The following SLFN12L variants were observed in gnomAD, a reference collection of about 807,000 sequenced individuals.
The protein encoded by SLFN12L is schlafen family member 12 like.
A neutral mutation model predicts 34.8 loss-of-function variants in SLFN12L; 34 were observed. The observed-to-expected ratio is 0.98, with a 90% CI of 0.74 to 1.30. The LOEUF is 1.30. Ranked by LOEUF, SLFN12L falls within the 50% of genes most tolerant of loss-of-function variation. The pLI is 0.00. For missense variants in SLFN12L, 703 were observed against 696.2 expected, an observed-to-expected ratio of 1.01 and a Z score of -0.11; for synonymous variants, 259 against 247.5, an observed-to-expected ratio of 1.05 and a Z score of -0.44.
intron 1 of SLFN12L, among the ~76,000 whole-genome samples, chr17:35,532,744 T>C (rs1482639287): frequency 6.6e-6 from 1 of 151,894 alleles, no homozygotes; most frequent in East Asian, 1.9e-4. Context: ...AATACAAAAA[T>C]TAGCCAGGCA....
intron 2 of SLFN12L, among the ~76,000 whole-genome samples, chr17:35,483,238 A>G (rs1375734523): frequency 6.6e-6 from 1 of 152,138 alleles, no homozygotes; most frequent in Non-Finnish European, 1.5e-5. Flanking sequence ...TGACCTGCCT[A>G]CAGAGAGGAG....
intron 2 of SLFN12L, among the ~76,000 whole-genome samples, chr17:35,515,554 C>A (rs1217623358): frequency 1.3e-5 from 2 of 151,816 alleles, no homozygotes; most frequent in South Asian, 4.2e-4. Context: ...CTGCCACCTG[C>A]GCCTCCCAGA....
At chr17:35,498,447 C>A in intron 2 of SLFN12L, 1 of 1,310,056 alleles carries the variant, frequency 7.6e-7, no homozygotes, top group Non-Finnish European at 1.1e-6. Context: ...TGGACGACTG[C>A]GGAATTTTCT....
In SLFN12L at chr17:35,464,778, A is replaced by G. The variant is rs977966389; in HGVS notation, c.*10145T>C. 2 of 152,200 alleles carry G rather than the reference A, an allele frequency of 1.3e-5. No homozygotes were observed. The highest frequency in any genetic ancestry group is 2.4e-5 in the African/African-American group (1 of 41,424). 9.4% of individuals were successfully genotyped at this position (152,200 alleles called of 1,614,324 possible). On this transcript the variant is annotated 3_prime_UTR_variant, in exon 5 of 5. Coordinates refer to ENST00000628453, the MANE Select transcript of SLFN12L (RefSeq NM_001363830.2). ...AAACAAACATCCATAATTTCACCCA[A>G]TTGGAAATCGAAAATTTGTATACCA...
rs985824472 is a variant in SLFN12L, at chr17:35,490,198, C to T, written c.87-10003G>A. ...TGCAGCCACCAGCGCTGGGACGAGG[C>T]GGCAGTGGCCCTCTGGCAAAGTGAA... On this transcript the variant is annotated intron_variant, in intron 2 of 4. Transcript: ENST00000628453. 1.1e-5 allele frequency: 17 copies of T among 1,595,382 alleles called. No individual in the cohort carries two copies. The African/African-American group carries it at 1.7e-4, about 16-fold the overall frequency.
chr17:35,515,238 G>A, intron 2 of SLFN12L: 2 of 495,988 alleles, frequency 4.0e-6, no homozygotes, highest in Non-Finnish European at 3.8e-6. Context: ...GAAAGGAGCG[G>A]TTGCCCACAA....
intron 1 of SLFN12L, among the ~76,000 whole-genome samples, chr17:35,532,285 C>T (rs1190857408): frequency 1.3e-5 from 2 of 151,434 alleles, no homozygotes; most frequent in East Asian, 4.0e-4. Context: ...ACTAAAAATA[C>T]AAAAATTAGC....
chr17:35,496,779 G>A (rs1915099347), intron 2 of SLFN12L, among the ~76,000 whole-genome samples: 2 of 152,094 alleles, frequency 1.3e-5, no homozygotes, highest in African/African-American at 4.8e-5. Context: ...TTCTCTTTGC[G>A]CCTCCCCAGA....
At chr17:35,487,384 A>C (rs1914623917) in intron 2 of SLFN12L, among the ~76,000 whole-genome samples, 1 of 152,250 alleles carries the variant, frequency 6.6e-6, no homozygotes, top group African/African-American at 2.4e-5. Context: ...CAACTTTCCC[A>C]GAAGGGAGAG....
At chr17:35,514,400 C>T (rs1567680567) in intron 2 of SLFN12L, among the ~76,000 whole-genome samples, 1 of 152,208 alleles carries the variant, frequency 6.6e-6, no homozygotes, top group Non-Finnish European at 1.5e-5. Flanking sequence ...ATGCACTAGC[C>T]GTAAAAATGT....
intron 1 of SLFN12L, among the ~76,000 whole-genome samples, chr17:35,529,700 GGGGGGCTA>G (rs1164900211): frequency 7.9e-5 from 12 of 151,942 alleles, no homozygotes; most frequent in African/African-American, 2.7e-4. Context: ...ATCTGGGGGT[GGGGGGCTA>G]GGGGAGGGAC....
chr17:35,530,131 T>C (rs2142176308), intron 1 of SLFN12L, among the ~76,000 whole-genome samples: 1 of 146,972 alleles, frequency 6.8e-6, no homozygotes, highest in East Asian at 2.0e-4. Context: ...TTTTTTTTTT[T>C]TTTTTTGAGA....
intron 2 of SLFN12L, among the ~76,000 whole-genome samples, chr17:35,513,625 A>C (rs1299891419): frequency 2.6e-5 from 4 of 152,186 alleles, no homozygotes; most frequent in Non-Finnish European, 5.9e-5. Context: ...ATAATATGTC[A>C]CTATTTGAGA....
rs780951993 is a variant in SLFN12L, at chr17:35,475,136, G to A, written c.1626C>T (p.Tyr542=). The A allele has an allele frequency of 6.2e-7, 1 of 1,614,204 alleles. No homozygotes were observed. The highest frequency in any genetic ancestry group is 8.5e-7 in the Non-Finnish European group (1 of 1,180,032). ...KKVCVMTKIF[Y]LSPEGKTSCQ... ...AGCTTGTCTTGCCTTCAGGGCTCAA[G>A]TAGAAGATCTTTGTCATGACACACA... Residue 542 remains tyrosine (Y), a synonymous_variant, in exon 5 of 5, where the codon TAC becomes TAT. Transcript: ENST00000628453.
At position 35,530,435 on chromosome 17, in the gene SLFN12L, G is replaced by GAAAGAAA. The variant is rs1240405993; in HGVS notation, c.-606+7137_-606+7138insTTTCTTT. ...GAAGGAAGGAAGGAAGGAAGGGAAGGGAAGGGAAGAAAGAAAGAAAGAAAG... is the reference window on the plus strand; with the variant it reads ...GAAGGAAGGAAGGAAGGAAGGGAAGGAAAGAAAGAAGGGAAGAAAGAAAGAAAGAAAG... On this transcript the variant is annotated intron_variant, in intron 1 of 4. Coordinates refer to ENST00000628453, the MANE Select transcript of SLFN12L (RefSeq NM_001363830.2). Among the ~76,000 whole-genome samples the GAAAGAAA allele has an allele frequency of 1.1e-3, 13 of 11,412 alleles. 2 individuals are homozygous for GAAAGAAA. The highest frequency in any genetic ancestry group is 7.9e-3 in the East Asian group (3 of 380). 7.5% of individuals were successfully genotyped at this position (11,412 alleles called of 152,430 possible).
At position 35,469,335 on chromosome 17, in the gene SLFN12L, TATAA is replaced by T. The variant is rs34766557; in HGVS notation, c.*5584_*5587del. Among the ~76,000 whole-genome samples, 18,323 of 139,600 alleles carry T rather than the reference TATAA, an allele frequency of 0.13. 1,285 individuals carry two copies. The highest frequency in any genetic ancestry group is 0.27 in the South Asian group (1,117 of 4,172). 91.6% of individuals were successfully genotyped at this position (139,600 alleles called of 152,430 possible). On this transcript the variant is annotated 3_prime_UTR_variant, in exon 5 of 5. Transcript: ENST00000628453. ...TATATATTATATATATAAATATATA[TATAA>T]TATATATATATATGTATTTCAAACT...
chr17:35,487,442 GC>G (rs1421693605), intron 2 of SLFN12L, among the ~76,000 whole-genome samples: 1 of 151,984 alleles, frequency 6.6e-6, no homozygotes, highest in East Asian at 1.9e-4. Flanking sequence ...CTCTGGCAGC[GC>G]CCCACCTCGT....
At chr17:35,486,592 T>TTAAA (rs993598223) in intron 2 of SLFN12L, among the ~76,000 whole-genome samples, 43 of 152,136 alleles carry the variant, frequency 2.8e-4, no homozygotes, top group African/African-American at 4.8e-4. Flanking sequence ...AATGCTAAAA[T>TTAAA]TAAATAAATA....
rs1913780075 is a variant in SLFN12L, at chr17:35,469,979, G to A, written c.*4944C>T. 1 of 152,054 alleles carries A rather than the reference G, an allele frequency of 6.6e-6. No individual in the cohort carries two copies. 9.4% of individuals were successfully genotyped at this position (152,054 alleles called of 1,614,324 possible). A position where few individuals can be genotyped will look rare whatever the true frequency, so the allele number is the denominator to read the frequency against. Reference sequence around the variant, plus strand: ...TCTGCTCCTCTTTCCTTAACCAACTGGATGCTTTACCACATGACCCTGCAT... The same window carrying A: ...TCTGCTCCTCTTTCCTTAACCAACTAGATGCTTTACCACATGACCCTGCAT... On this transcript the variant is annotated 3_prime_UTR_variant, in exon 5 of 5. Coordinates refer to ENST00000628453, the MANE Select transcript of SLFN12L (RefSeq NM_001363830.2).
Sources: allele counts gnomAD v4.1 joint callset (sites outside exome capture counted in the v4.1 genomes callset), GRCh38; gene constraint gnomAD v4.1.1; transcripts MANE v1.5; gene names NCBI Gene and HGNC (gene_info 2026-07-23, HGNC 2026-07-21).